The following NHS variants were observed in gnomAD, a reference collection of about 807,000 sequenced individuals.
NHS encodes NHS actin remodeling regulator, also known as actin remodeling regulator NHS.
NHS carries 5 observed loss-of-function variants against 72.5 expected under a neutral mutation model. That is an observed-to-expected ratio of 0.07 (90% CI 0.04 to 0.14). The LOEUF (loss-of-function observed/expected upper bound fraction) is 0.14. NHS is among the 10% of genes least tolerant of loss of function. NHS has a pLI of 1.00. For missense variants in NHS, 1,072 were observed against 1,355.7 expected (o/e 0.79, Z 3.29); for synonymous variants, 464 against 547.7 (o/e 0.85, Z 2.13).
intron 1 of NHS, among the ~76,000 whole-genome samples, chrX:17,648,238 T>C (rs2065914965): frequency 8.9e-6 from 1 of 111,774 alleles, no homozygotes; most frequent in Non-Finnish European, 1.9e-5. Flanking sequence ...TAGAGTGGCC[T>C]TATTCATGTC....
Position 17,725,907 on chromosome X carries a change from G to C in NHS, c.1801G>C (p.Asp601His). The part of the protein sequence containing the change: ...SGSCDISSNS[D>H]TFGSPIHCIS... ...CAGCTGTGACATCTCCTCCAACTCA[G>C]ACACGTTTGGGAGCCCCATCCACTG... Residue 601 changes from aspartate to histidine, a missense_variant, in exon 7 of 9, where the codon GAC (aspartate) becomes CAC (histidine). Physicochemically the swap from Asp to His is moderately conservative, Grantham distance 81. Transcript: ENST00000676302. 1 of 1,211,562 alleles carries C rather than the reference G, an allele frequency of 8.3e-7. No homozygotes were observed. Among genetic ancestry groups the C allele is most frequent in the Non-Finnish European group, 1.1e-6 (1 of 895,471 alleles).
chrX:17,649,983 T>C (rs754941821), intron 1 of NHS, among the ~76,000 whole-genome samples: 22 of 111,998 alleles, frequency 2.0e-4, no homozygotes, highest in Non-Finnish European at 3.9e-4. Context: ...GGAGGGGACA[T>C]TCAACTTGCT....
intron 1 of NHS, among the ~76,000 whole-genome samples, chrX:17,431,135 T>A (rs768138310): frequency 8.9e-6 from 1 of 112,161 alleles, no homozygotes; most frequent in South Asian, 3.7e-4. Context: ...TAGACATCAA[T>A]GGATCTCAGC....
chrX:17,712,052 T>G (rs998340767), intron 3 of NHS, among the ~76,000 whole-genome samples: 1 of 106,989 alleles, frequency 9.3e-6, no homozygotes, highest in African/African-American at 3.4e-5. Flanking sequence ...TACTGCCAAA[T>G]AGTCTCCAAA....
At chrX:17,561,590 A>G (rs985190668) in intron 1 of NHS, among the ~76,000 whole-genome samples, 5 of 100,270 alleles carry the variant, frequency 5.0e-5, no homozygotes, top group South Asian at 5.2e-4. Context: ...ACACACACAC[A>G]CACACACACA....
At chrX:17,669,838 C>T (rs1034743149) in intron 1 of NHS, among the ~76,000 whole-genome samples, 1 of 112,230 alleles carries the variant, frequency 8.9e-6, no homozygotes, top group African/African-American at 3.2e-5. Flanking sequence ...ACACAACCCA[C>T]CCCAAAGCCC....
At chrX:17,625,717 T>A (rs2065795142) in intron 1 of NHS, among the ~76,000 whole-genome samples, 1 of 112,289 alleles carries the variant, frequency 8.9e-6, no homozygotes, top group South Asian at 3.7e-4. Context: ...ATTGGTGAAA[T>A]TAATTTTAAT....
At chrX:17,551,785 C>T (rs1056194943) in intron 1 of NHS, among the ~76,000 whole-genome samples, 2 of 111,482 alleles carry the variant, frequency 1.8e-5, no homozygotes, top group African/African-American at 6.5e-5. Context: ...TGCACCCTTT[C>T]ACAGATGTTC....
At chrX:17,731,755 C>T in intron 8 of NHS, 103 bp from the exon 9 acceptor site, 1 of 1,068,622 alleles carries the variant, frequency 9.4e-7, no homozygotes, top group Non-Finnish European at 1.3e-6. Context: ...AGGACAGGCT[C>T]AAAATGCACT....
chrX:17,656,136 C>T (rs1398739961), intron 1 of NHS, among the ~76,000 whole-genome samples: 1 of 113,469 alleles, frequency 8.8e-6, no homozygotes, highest in Non-Finnish European at 1.9e-5. Flanking sequence ...GGAGCCGGCA[C>T]GCATGCCTAC....
At chrX:17,556,984 A>C (rs768186163) in intron 1 of NHS, among the ~76,000 whole-genome samples, 39 of 109,023 alleles carry the variant, frequency 3.6e-4, no homozygotes, top group African/African-American at 1.2e-3. Flanking sequence ...ATATATATAT[A>C]TATCTATATA....
rs1294736115 is a variant in NHS at position 17,521,254 on chromosome X, T to C, written c.565+144932T>C. Among the ~76,000 whole-genome samples, 24 of 111,590 alleles carry C rather than the reference T, an allele frequency of 2.2e-4. No individual in the cohort carries two copies. The Admixed American group carries it at 2.3e-3, about 11-fold the overall frequency. The stretch of plus-strand genomic sequence containing the variant: ...GTGGCAGATCTGTTTGAGATGTCTC[T>C]TGTAATGTGTGACCAATGAGACCTT... On this transcript the variant is annotated intron_variant, in intron 1 of 8. Transcript: ENST00000676302.
At chrX:17,392,906 G>A (rs1317406915) in intron 1 of NHS, among the ~76,000 whole-genome samples, 1 of 111,918 alleles carries the variant, frequency 8.9e-6, no homozygotes. Flanking sequence ...CCTGACCTCT[G>A]ACAGCATAGA....
chrX:17,643,617 A>T (rs1159774382), intron 1 of NHS, among the ~76,000 whole-genome samples: 3 of 112,114 alleles, frequency 2.7e-5, no homozygotes, highest in Admixed American at 1.9e-4. Context: ...TGTGTCTTGA[A>T]AAAAGGGAGG....
chrX:17,632,928 G>A (rs928403782), intron 1 of NHS, among the ~76,000 whole-genome samples: 5 of 112,144 alleles, frequency 4.5e-5, no homozygotes, highest in Non-Finnish European at 9.4e-5. Flanking sequence ...AAGCCTTCTG[G>A]TATCACTCAA....
rs566344705 is a variant in NHS at position 17,582,708 on chromosome X, G to A, written c.566-105034G>A. Among the ~76,000 whole-genome samples, 7 of 112,742 alleles carry A rather than the reference G, an allele frequency of 6.2e-5. No individual in the cohort carries two copies. In the South Asian group the frequency reaches 1.5e-3, roughly 24 times the overall value. On this transcript the variant is annotated intron_variant, in intron 1 of 8. Transcript: ENST00000676302. ...TGCAATGGGGGCTAAGTGCTCAGGG[G>A]TGAATCCTGCCTCTGCAACCTTCCT...
At chrX:17,550,292 A>G (rs937511356) in intron 1 of NHS, among the ~76,000 whole-genome samples, 6 of 112,088 alleles carry the variant, frequency 5.4e-5, no homozygotes, top group African/African-American at 1.9e-4. Context: ...CCTCTCAGAG[A>G]CACATCCTGG....
intron 1 of NHS, among the ~76,000 whole-genome samples, chrX:17,564,974 TTTTTATTTA>T (rs1261643541): frequency 4.8e-5 from 5 of 103,310 alleles, no homozygotes; most frequent in African/African-American, 1.7e-4. Context: ...GCCACATTTT[TTTTTATTTA>T]TTTTTTTTTT....
intron 1 of NHS, among the ~76,000 whole-genome samples, chrX:17,563,642 T>C (rs910420670): frequency 1.8e-5 from 2 of 112,173 alleles, no homozygotes; most frequent in Non-Finnish European, 3.8e-5. Flanking sequence ...TCAGGAACTT[T>C]ATATTTTAAC....
Sources: gnomAD v4.1 joint callset for allele counts (sites outside exome capture counted in the v4.1 genomes callset) on GRCh38, gnomAD v4.1.1 for gene constraint, MANE v1.5 for transcripts, NCBI Gene and HGNC (gene_info 2026-07-23, HGNC 2026-07-21) for gene names.